DAPK1: variants seen among roughly 807,000 people sequenced by gnomAD.
DAPK1 encodes the protein death associated protein kinase 1, also known as death-associated protein kinase 1.
DAPK1 carries 56 observed loss-of-function variants against 144.9 expected under a neutral mutation model. The ratio of observed to expected loss-of-function variants is 0.39; its 90% CI spans 0.31 to 0.48. DAPK1 has a LOEUF of 0.48. Among genes scored for constraint, DAPK1 ranks in the 20% least tolerant of loss-of-function variants. The pLI is 0.95. For synonymous variants in DAPK1, 690 were observed against 749.0 expected (o/e 0.92, Z 1.29); for missense variants, 1,454 against 1,875.4 (o/e 0.78, Z 4.15).
chr9:87,630,149 C>T (rs1329799106), intron 3 of DAPK1, among the ~76,000 whole-genome samples: 1 of 152,170 alleles, frequency 6.6e-6, no homozygotes, highest in African/African-American at 2.4e-5. Flanking sequence ...GCCAACCCTT[C>T]CTGAATTCCC....
At chr9:87,579,136 C>G (rs1341947820) in intron 2 of DAPK1, among the ~76,000 whole-genome samples, 1 of 152,152 alleles carries the variant, frequency 6.6e-6, no homozygotes, top group Non-Finnish European at 1.5e-5. Context: ...GACAGCACCC[C>G]CTCCCCACTG....
rs190447877 is a variant in DAPK1 at position 87,498,778 on chromosome 9, C to A, written c.-108-192C>A. On this transcript the variant is annotated intron_variant, in intron 1 of 25. Coordinates refer to ENST00000408954, the MANE Select transcript of DAPK1 (RefSeq NM_004938.4). ...GTGCCGTGGTGCCCGGCCCCACGCG[C>A]GCGCGGGGCTGAGGGGTCGGGGGCG... The A allele has an allele frequency of 1.6e-5, 7 of 436,490 alleles. No homozygotes were observed. In the South Asian group the frequency reaches 2.3e-4, roughly 14 times the overall value. The allele number at this position is 436,490 out of a possible 1,614,324, so 27.0% of individuals were successfully genotyped here.
At chr9:87,567,467 C>T (rs934785702) in intron 2 of DAPK1, among the ~76,000 whole-genome samples, 13 of 152,136 alleles carry the variant, frequency 8.5e-5, no homozygotes, top group Non-Finnish European at 1.8e-4. Flanking sequence ...TTTCCATCCT[C>T]CTGTGTTTCT....
intron 3 of DAPK1, among the ~76,000 whole-genome samples, chr9:87,620,004 G>T (rs188422778): frequency 6.5e-4 from 99 of 151,950 alleles, no homozygotes; most frequent in African/African-American, 2.3e-3. Context: ...GGCATGCATG[G>T]GCCCAGACAG....
intron 2 of DAPK1, among the ~76,000 whole-genome samples, chr9:87,574,879 C>G (rs1827484781): frequency 2.0e-5 from 3 of 151,574 alleles, no homozygotes; most frequent in Non-Finnish European, 4.4e-5. Context: ...TGAGATCATG[C>G]CACGGCACTC....
At chr9:87,524,932 G>C (rs1825434091) in intron 2 of DAPK1, among the ~76,000 whole-genome samples, 3 of 152,068 alleles carry the variant, frequency 2.0e-5, no homozygotes, top group African/African-American at 4.8e-5. Flanking sequence ...CTACAAATGG[G>C]GTGCATTGTT....
chr9:87,690,159 T>C (rs918622021), intron 21 of DAPK1, among the ~76,000 whole-genome samples: 4 of 152,270 alleles, frequency 2.6e-5, no homozygotes, highest in Non-Finnish European at 4.4e-5. Context: ...TTGCATTTGT[T>C]TGTGTCCTCT....
chr9:87,669,024 G>A (rs1355161326), intron 19 of DAPK1: 3 of 214,854 alleles, frequency 1.4e-5, no homozygotes, highest in African/African-American at 6.9e-5. Flanking sequence ...TGGCTGTTAA[G>A]CTCCTATTTA....
chr9:87,510,173 G>C (rs1472291288), intron 2 of DAPK1, among the ~76,000 whole-genome samples: 2 of 152,164 alleles, frequency 1.3e-5, no homozygotes, highest in African/African-American at 4.8e-5. Context: ...CCCTTCGTTG[G>C]CTGGAAGAGA....
At chr9:87,590,385 AG>A (rs373921222) in intron 2 of DAPK1, among the ~76,000 whole-genome samples, 8,377 of 145,876 alleles carry the variant, frequency 0.057, 276 homozygotes, top group African/African-American at 0.12. Flanking sequence ...AAAAAAAAAA[AG>A]AAAAGAAAAG....
At chr9:87,580,242 C>T (rs1827704155) in intron 2 of DAPK1, among the ~76,000 whole-genome samples, 1 of 152,124 alleles carries the variant, frequency 6.6e-6, no homozygotes, top group Non-Finnish European at 1.5e-5. Context: ...TATTTCCTTT[C>T]AGTTCCTATT....
chr9:87,588,480 AGTTTT>A (rs60288646), intron 2 of DAPK1, among the ~76,000 whole-genome samples: 4 of 151,792 alleles, frequency 2.6e-5, no homozygotes, highest in South Asian at 2.1e-4. Context: ...TATTCAATTC[AGTTTT>A]GTTTTGTTTT....
At chr9:87,526,461 C>T (rs1017031936) in intron 2 of DAPK1, among the ~76,000 whole-genome samples, 1 of 152,186 alleles carries the variant, frequency 6.6e-6, no homozygotes, top group Non-Finnish European at 1.5e-5. Flanking sequence ...AATTCATCCA[C>T]ATTGCTGTCT....
intron 24 of DAPK1, among the ~76,000 whole-genome samples, chr9:87,701,306 A>G (rs893987245): frequency 1.3e-5 from 2 of 152,238 alleles, no homozygotes; most frequent in Non-Finnish European, 2.9e-5. Flanking sequence ...AAAGCTTTTA[A>G]GTAAAAACAT....
intron 6 of DAPK1, 31 bp downstream of exon 6, chr9:87,639,729 T>C: frequency 1.2e-6 from 2 of 1,613,784 alleles, no homozygotes; most frequent in Non-Finnish European, 1.7e-6. Flanking sequence ...GTTGTTTGCT[T>C]TCTGATTTAT....
chr9:87,519,435 A>T (rs1173156004), intron 2 of DAPK1, among the ~76,000 whole-genome samples: 3 of 152,166 alleles, frequency 2.0e-5, no homozygotes, highest in African/African-American at 7.2e-5. Context: ...GAATCTGAGG[A>T]TGATTGGTTG....
intron 21 of DAPK1, among the ~76,000 whole-genome samples, chr9:87,687,441 T>C (rs576012599): frequency 1.3e-5 from 2 of 152,238 alleles, no homozygotes; most frequent in Admixed American, 1.3e-4. Flanking sequence ...TCCAGTTCTA[T>C]CCATGTTGCT....
At chr9:87,643,986 C>G (rs1436561243) in intron 11 of DAPK1, among the ~76,000 whole-genome samples, 1 of 152,170 alleles carries the variant, frequency 6.6e-6, no homozygotes, top group Non-Finnish European at 1.5e-5. Flanking sequence ...GTGCTGCTTG[C>G]TGATGTGTCT....
rs913072230 is a variant in DAPK1 at position 87,648,723 on chromosome 9, G to T, written c.1330-58G>T. On this transcript the variant is annotated intron_variant, in intron 14 of 25. Transcript: ENST00000408954. ...GCCTGGGTGTAGGCCTTGGGTTCTG[G>T]TCTCCATAGCCTGCTCACAGATGTG... is the stretch of plus-strand genomic sequence containing the variant. The T allele has an allele frequency of 1.0e-5, 15 of 1,488,998 alleles. No homozygotes were observed. The African/African-American group carries it at 1.9e-4, about 19-fold the overall frequency. 92.2% of individuals were successfully genotyped at this position (1,488,998 alleles called of 1,614,324 possible). A position where few individuals can be genotyped will look rare whatever the true frequency, so the allele number is the denominator to read the frequency against.
Sources: allele counts gnomAD v4.1 joint callset (sites outside exome capture counted in the v4.1 genomes callset), GRCh38; gene constraint gnomAD v4.1.1; transcripts MANE v1.5; gene names NCBI Gene and HGNC (gene_info 2026-07-23, HGNC 2026-07-21).